ZYG11A: variants seen among roughly 807,000 people sequenced by gnomAD.
ZYG11A encodes protein zyg-11 homolog A.
A neutral mutation model predicts 77.2 loss-of-function variants in ZYG11A; 62 were observed. That is an observed-to-expected ratio of 0.80 (90% CI 0.65 to 0.99). The LOEUF (loss-of-function observed/expected upper bound fraction) is 0.99, where lower values mean the gene tolerates loss of function less well. Among genes scored for constraint, ZYG11A ranks in the 50% least tolerant of loss-of-function variants. ZYG11A has a pLI of 0.00. For missense variants in ZYG11A, 828 were observed against 896.8 expected (o/e 0.92, Z 0.98); for synonymous variants, 315 against 324.6 (o/e 0.97, Z 0.32).
chr1:52,860,776 CGATACAGGAACA>C lies in ZYG11A; in HGVS notation c.1058_1069del (p.Tyr353_Arg356del), dbSNP rs1247528812. The C allele has an allele frequency of 6.4e-7, 1 of 1,551,430 alleles. No homozygotes were observed. The highest frequency in any genetic ancestry group is 8.7e-7 in the Non-Finnish European group (1 of 1,146,956). The stretch of plus-strand genomic sequence containing the variant: ...GAGTCAGATTTCAGAAGCACTGAGC[CGATACAGGAACA>C]GATCATGTTTTGTGAAGGAAGCCCT... On this transcript the variant is annotated inframe_deletion, in exon 4 of 14. Transcript: ENST00000371528.
At position 52,894,004 on chromosome 1, in the gene ZYG11A, G is replaced by C. The variant is rs1646586748; in HGVS notation, c.*1047G>C. 6.6e-6 allele frequency: 1 copy of C among 151,608 alleles called. No homozygotes were observed. The highest frequency in any genetic ancestry group is 2.4e-5 in the African/African-American group (1 of 41,280). 9.4% of individuals were successfully genotyped at this position (151,608 alleles called of 1,614,324 possible). On this transcript the variant is annotated 3_prime_UTR_variant, in exon 14 of 14. Coordinates refer to ENST00000371528, the MANE Select transcript of ZYG11A (RefSeq NM_001004339.3). ...TTTTTGTATTTTTTAGTAGAGACAG[G>C]GTTTCACCATATTGGTCAGGCTGGT...
rs1645496397 is a variant in ZYG11A at position 52,843,559 on chromosome 1, C to CCCCGTCCCCGT, written c.90+596_90+606dup. On this transcript the variant is annotated intron_variant, in intron 1 of 13. Coordinates refer to ENST00000371528, the MANE Select transcript of ZYG11A (RefSeq NM_001004339.3). ...GATTCTTTCAGTTCCGCGCGTCCGC[C>CCCCGTCCCCGT]CCCGTCCCCGTCCCGTCCCCAGCCT... Among the ~76,000 whole-genome samples, 3 of 152,296 alleles carry CCCCGTCCCCGT rather than the reference C, an allele frequency of 2.0e-5. No homozygotes were observed. The South Asian group carries it at 6.2e-4, about 32-fold the overall frequency.
chr1:52,846,532 C>T (rs1267617964), intron 1 of ZYG11A, among the ~76,000 whole-genome samples: 5 of 150,846 alleles, frequency 3.3e-5, no homozygotes, highest in African/African-American at 1.2e-4. Flanking sequence ...TTTGTATTTT[C>T]AGTAGAGATG....
At chr1:52,870,034 G>A (rs1462047955) in intron 8 of ZYG11A, among the ~76,000 whole-genome samples, 4 of 150,330 alleles carry the variant, frequency 2.7e-5, no homozygotes, top group Non-Finnish European at 4.4e-5. Flanking sequence ...CAGACGGGGC[G>A]GCCAGGCAGA....
At chr1:52,879,785 T>TA (rs56092310) in intron 10 of ZYG11A, among the ~76,000 whole-genome samples, 2 of 151,434 alleles carry the variant, frequency 1.3e-5, no homozygotes, top group Non-Finnish European at 2.9e-5. Flanking sequence ...TTTATTTATT[T>TA]TTGTCTCGCT....
intron 11 of ZYG11A, among the ~76,000 whole-genome samples, chr1:52,882,215 A>T (rs1646376191): frequency 6.6e-6 from 1 of 152,166 alleles, no homozygotes; most frequent in Non-Finnish European, 1.5e-5. Context: ...TCTAAATAAC[A>T]TATTATGCTG....
intron 4 of ZYG11A, 98 bp downstream of exon 4, chr1:52,860,969 T>C (rs1348110204): frequency 7.4e-6 from 9 of 1,222,290 alleles, no homozygotes; most frequent in Non-Finnish European, 9.1e-6. Flanking sequence ...ATATGCTTTA[T>C]TCTATAGTGA....
In ZYG11A at chr1:52,877,725, A is replaced by G. The variant is rs1408405418; in HGVS notation, c.1586A>G (p.Asp529Gly). 2 of 1,552,092 alleles carry G rather than the reference A, an allele frequency of 1.3e-6. No individual in the cohort carries two copies. The highest frequency in any genetic ancestry group is 1.7e-6 in the Non-Finnish European group (2 of 1,147,046). The stretch of plus-strand genomic sequence containing the variant: ...AAACAAAAGACTACTGAGAATTTAG[A>G]TGATGTCACCTTCTTGTTTACTTTG... ...IVKQKTTENL[D>G]DVTFLFTLKA... The change falls in exon 9 of 14, where the codon GAT becomes GGT. Residue 529 changes from aspartate (D) to glycine (G), a missense_variant. Physicochemically the swap from Asp to Gly is moderately conservative, Grantham distance 94 (BLOSUM62 -1). Transcript: ENST00000371528.
At chr1:52,851,151 TCTC>T (rs1645702594) in intron 1 of ZYG11A, among the ~76,000 whole-genome samples, 1 of 151,814 alleles carries the variant, frequency 6.6e-6, no homozygotes, top group South Asian at 2.1e-4. Flanking sequence ...CTCAAGCAAT[TCTC>T]CTGCCTCAGC....
chr1:52,872,185 T>C (rs1445062265), intron 8 of ZYG11A, among the ~76,000 whole-genome samples: 1 of 152,152 alleles, frequency 6.6e-6, no homozygotes, highest in Non-Finnish European at 1.5e-5. Flanking sequence ...CACTGCAACC[T>C]CCACCTCCTG....
intron 8 of ZYG11A, among the ~76,000 whole-genome samples, chr1:52,870,053 T>A (rs1646123371): frequency 1.4e-5 from 2 of 143,716 alleles, no homozygotes; most frequent in Non-Finnish European, 3.0e-5. Context: ...GAGACGCTCC[T>A]CACCTCCCAG....
At chr1:52,852,809 A>G (rs1389964416) in intron 1 of ZYG11A, among the ~76,000 whole-genome samples, 3 of 152,190 alleles carry the variant, frequency 2.0e-5, no homozygotes, top group Admixed American at 6.5e-5. Flanking sequence ...CCTACCTTAA[A>G]TGTGCTCAGA....
chr1:52,885,486 G>A (rs370555183), intron 11 of ZYG11A, among the ~76,000 whole-genome samples: 60 of 152,304 alleles, frequency 3.9e-4, no homozygotes, highest in Middle Eastern at 3.4e-3. Context: ...TTACAGGCGT[G>A]AGCCACTGTG....
At chr1:52,861,479 G>A (rs1469964273) in intron 4 of ZYG11A, among the ~76,000 whole-genome samples, 3 of 152,070 alleles carry the variant, frequency 2.0e-5, no homozygotes, top group Non-Finnish European at 4.4e-5. Flanking sequence ...GAAGCGGGTG[G>A]ATCACGAGGT....
chr1:52,857,241 G>T lies in ZYG11A; in HGVS notation c.500G>T (p.Ser167Ile). 1 of 1,552,234 alleles carries T rather than the reference G, an allele frequency of 6.4e-7. No individual in the cohort carries two copies. Among genetic ancestry groups the T allele is most frequent in the Non-Finnish European group, 8.7e-7 (1 of 1,147,134 alleles). Residue 167 changes from serine (S) to isoleucine (I), a missense_variant, in exon 3 of 14, where the codon AGC (serine) becomes ATC (isoleucine). By Grantham distance (142) the Ser-to-Ile change is moderately radical. Transcript: ENST00000371528. ...CAGTGTCTCCTGTTAGACTCGACAA[G>T]CATCCCTCAAAATTCAAGATTACTG... ...NLQCLLLDSTSIPQNSRLLFF... is the reference protein window; with the variant it reads ...NLQCLLLDSTIIPQNSRLLFF...
At chr1:52,853,767 G>T (rs1287021287) in intron 1 of ZYG11A, among the ~76,000 whole-genome samples, 1 of 152,106 alleles carries the variant, frequency 6.6e-6, no homozygotes, top group African/African-American at 2.4e-5. Context: ...AATTAGCTGG[G>T]CATGGTGGCA....
chr1:52,870,886 G>T (rs1259091424), intron 8 of ZYG11A, among the ~76,000 whole-genome samples: 1 of 151,688 alleles, frequency 6.6e-6, no homozygotes, highest in Non-Finnish European at 1.5e-5. Flanking sequence ...GGGAGGGGGA[G>T]GGGGAGAGGG....
At chr1:52,877,537 A>G (rs1646282971) in intron 8 of ZYG11A, 145 bp from the exon 9 acceptor site, 2 of 634,658 alleles carry the variant, frequency 3.2e-6, no homozygotes, top group Non-Finnish European at 5.2e-6. Context: ...TTTATTTTAT[A>G]GAAAGAAAAT....
intron 1 of ZYG11A, among the ~76,000 whole-genome samples, chr1:52,847,931 G>A (rs1149798): frequency 0.45 from 68,241 of 150,822 alleles, 17,094 homozygotes; most frequent in Non-Finnish European, 0.58. Context: ...GTGCAGTGGC[G>A]CGATCTCAGC....
Sources: allele counts gnomAD v4.1 joint callset (sites outside exome capture counted in the v4.1 genomes callset), GRCh38; gene constraint gnomAD v4.1.1; transcripts MANE v1.5; gene names NCBI Gene and HGNC (gene_info 2026-07-23, HGNC 2026-07-21).